The following LACTB variants were observed in gnomAD, a reference collection of about 807,000 sequenced individuals.
LACTB encodes the protein serine beta-lactamase-like protein LACTB, mitochondrial.
In LACTB, 35 loss-of-function variants were observed where a neutral mutation model predicts 50.2. That is an observed-to-expected ratio of 0.70 (90% CI 0.53 to 0.92). The LOEUF (loss-of-function observed/expected upper bound fraction) is 0.92. Among genes scored for constraint, LACTB ranks in the 40% least tolerant of loss-of-function variants. The probability of loss-of-function intolerance (pLI) is 0.00; values close to 1 mark genes in which losing one functional copy is unlikely to be tolerated. For missense variants in LACTB, 664 were observed against 691.8 expected (o/e 0.96, Z 0.45); for synonymous variants, 252 against 268.2 (o/e 0.94, Z 0.59).
At chr15:63,133,178 T>C (rs1321020107) in intron 5 of LACTB, among the ~76,000 whole-genome samples, 1 of 152,244 alleles carries the variant, frequency 6.6e-6, no homozygotes. Context: ...TGATTTTATA[T>C]AATTTCATAT....
At chr15:63,135,189 A>T (rs1379708970) in intron 5 of LACTB, among the ~76,000 whole-genome samples, 1 of 152,084 alleles carries the variant, frequency 6.6e-6, no homozygotes, top group African/African-American at 2.4e-5. Flanking sequence ...AAAATTTTTT[A>T]GCTTTGTGTT....
At chr15:63,133,511 T>A (rs2037151102) in intron 5 of LACTB, among the ~76,000 whole-genome samples, 1 of 152,108 alleles carries the variant, frequency 6.6e-6, no homozygotes, top group Non-Finnish European at 1.5e-5. Flanking sequence ...GCGGTCCTAG[T>A]TAATCAGGAG....
chr15:63,140,978 T>G, intron 5 of LACTB: 8 of 981,592 alleles, frequency 8.2e-6, no homozygotes, highest in Non-Finnish European at 9.7e-6. Context: ...TCATGTGTAA[T>G]ATTAACCAAT....
At chr15:63,131,646 A>G (rs919897589) in intron 5 of LACTB, among the ~76,000 whole-genome samples, 4 of 152,158 alleles carry the variant, frequency 2.6e-5, no homozygotes, top group African/African-American at 9.7e-5. Context: ...TTTTCTTTCA[A>G]AAAGAATACA....
At position 63,141,437 on chromosome 15, in the gene LACTB, T is replaced by G; in HGVS notation, c.1276T>G (p.Ser426Ala). The G allele has an allele frequency of 6.2e-7, 1 of 1,614,206 alleles. No homozygotes were observed. The highest frequency in any genetic ancestry group is 8.5e-7 in the Non-Finnish European group (1 of 1,180,032). ...YGYQVGLFKN[S>A]NENLLPGYLK... ...TTACCAAGTTGGGCTGTTTAAGAAC[T>G]CAAATGAAAATCTTTTACCTGGATA... Residue 426 changes from serine (S) to alanine (A), a missense_variant, in exon 6 of 6, where the codon TCA becomes GCA. By Grantham distance (99) the Ser-to-Ala change is moderately conservative. Transcript: ENST00000261893.
chr15:63,141,502 C>T lies in LACTB; in HGVS notation c.1341C>T (p.Val447=). 1 of 1,614,200 alleles carries T rather than the reference C, an allele frequency of 6.2e-7. No individual in the cohort carries two copies. The highest frequency in any genetic ancestry group is 8.5e-7 in the Non-Finnish European group (1 of 1,180,028). The change falls in exon 6 of 6, where the codon GTC becomes GTT. Residue 447 remains valine, a synonymous_variant. Transcript: ENST00000261893. ...CAATGGTTATGATGTGGACCCCAGT[C>T]CCTAACACAGAGATGTCTTGGGATA... ...PETMVMMWTP[V]PNTEMSWDKE... is the part of the protein sequence containing the mutation.
At chr15:63,122,760 T>C (rs1802500202) in intron 2 of LACTB, 58 bp downstream of exon 2, 2 of 1,228,800 alleles carry the variant, frequency 1.6e-6, no homozygotes, top group East Asian at 2.3e-5. Flanking sequence ...AATATTGTTT[T>C]ACTGGTTAGA....
Position 63,141,366 on chromosome 15 carries a change from C to T in LACTB, c.1205C>T (p.Ser402Phe). 6.2e-7 allele frequency: 1 copy of T among 1,614,170 alleles called. No homozygotes were observed. The highest frequency in any genetic ancestry group is 8.5e-7 in the Non-Finnish European group (1 of 1,180,030). ...AAATGGGCTGGTGGTGGATTTCTGTCTACAGTGGGTGACCTTCTGAAATTT... is the reference window on the plus strand; with the variant it reads ...AAATGGGCTGGTGGTGGATTTCTGTTTACAGTGGGTGACCTTCTGAAATTT... ...SYKWAGGGFL[S>F]TVGDLLKFGN... Residue 402 changes from serine to phenylalanine, a missense_variant, in exon 6 of 6, where the codon TCT becomes TTT. Coordinates refer to ENST00000261893, the MANE Select transcript of LACTB (RefSeq NM_032857.5).
At chr15:63,128,591 C>G (rs768075214) in intron 4 of LACTB, among the ~76,000 whole-genome samples, 1 of 152,114 alleles carries the variant, frequency 6.6e-6, no homozygotes, top group Non-Finnish European at 1.5e-5. Flanking sequence ...ACAGCAAGAG[C>G]AAGACCCTGT....
intron 2 of LACTB, among the ~76,000 whole-genome samples, chr15:63,125,175 A>ATTTTTTTTTTTTTTTTTTT (rs142978160): frequency 7.7e-6 from 1 of 130,426 alleles, no homozygotes. Context: ...AATTTTATTT[A>ATTTTTTTTTTTTTTTTTTT]TTTATTTTTT....
Position 63,129,522 on chromosome 15 carries a change from A to G in LACTB, c.990A>G (p.Leu330=), listed in dbSNP as rs1279373614. The change falls in exon 5 of 6, where the codon CTA becomes CTG. Residue 330 remains leucine (L), a synonymous_variant. Coordinates refer to ENST00000261893, the MANE Select transcript of LACTB (RefSeq NM_032857.5). ...TGTATTCAACTTTTGGCTATACCCTACTGGCAGCCATAGTAGAGAGAGCTT... is the reference window on the plus strand; with the variant it reads ...TGTATTCAACTTTTGGCTATACCCTGCTGGCAGCCATAGTAGAGAGAGCTT... ...QFLYSTFGYT[L]LAAIVERASG... is the part of the protein sequence containing the mutation. 1 of 1,610,374 alleles carries G rather than the reference A, an allele frequency of 6.2e-7. No individual in the cohort carries two copies. The highest frequency in any genetic ancestry group is 8.5e-7 in the Non-Finnish European group (1 of 1,178,328).
chr15:63,123,966 G>A (rs2037013100), intron 2 of LACTB, among the ~76,000 whole-genome samples: 1 of 152,188 alleles, frequency 6.6e-6, no homozygotes, highest in African/African-American at 2.4e-5. Flanking sequence ...AGAGGTGGAG[G>A]AGCAGAGTCT....
chr15:63,141,771 T>C lies in LACTB; in HGVS notation c.1610T>C (p.Ile537Thr). The change falls in exon 6 of 6, where the codon ATT (isoleucine) becomes ACT (threonine). Residue 537 changes from isoleucine (I) to threonine (T), a missense_variant. Ile to Thr is a moderately conservative substitution (Grantham distance 89). Coordinates refer to ENST00000261893, the MANE Select transcript of LACTB (RefSeq NM_032857.5). ...SVGLNSTALK[I>T]ALEFDKDRSD ...GGCCTCAATAGCACCGCTTTGAAGA[T>C]TGCCCTTGAATTTGATAAAGACAGA... 2 of 1,613,616 alleles carry C rather than the reference T, an allele frequency of 1.2e-6. No individual in the cohort carries two copies. The highest frequency in any genetic ancestry group is 1.7e-6 in the Non-Finnish European group (2 of 1,179,584).
intron 2 of LACTB, among the ~76,000 whole-genome samples, chr15:63,123,221 C>CA: frequency 6.6e-6 from 1 of 152,152 alleles, no homozygotes; most frequent in African/African-American, 2.4e-5. Flanking sequence ...ACTTTCGGAC[C>CA]ATGGATAACT....
At chr15:63,133,835 GAC>G (rs537939566) in intron 5 of LACTB, among the ~76,000 whole-genome samples, 4 of 152,178 alleles carry the variant, frequency 2.6e-5, no homozygotes, top group African/African-American at 7.2e-5. Context: ...AAAAATTTGA[GAC>G]ACAGTATTAG....
chr15:63,129,582 A>G lies in LACTB; in HGVS notation c.1050A>G (p.Ile350Met), dbSNP rs1199898241. ...GCKYLDYMQK[I>M]FHDLDMLTTV... ...AATATTTGGACTATATGCAGAAAAT[A>G]TTCCATGACTTGGATATGCTGACGA... The change falls in exon 5 of 6, where the codon ATA (isoleucine) becomes ATG (methionine). Residue 350 changes from isoleucine (I) to methionine (M), a missense_variant. Physicochemically the swap from Ile to Met is conservative, Grantham distance 10 (BLOSUM62 1). Transcript: ENST00000261893. 6.2e-7 allele frequency: 1 copy of G among 1,613,534 alleles called. No individual in the cohort carries two copies. The highest frequency in any genetic ancestry group is 1.3e-5 in the African/African-American group (1 of 75,030).
chr15:63,127,714 C>T (rs2141071167), intron 4 of LACTB, 25 bp downstream of exon 4: 3 of 1,381,890 alleles, frequency 2.2e-6, no homozygotes, highest in Non-Finnish European at 3.0e-6. Context: ...CTTCTCTTAA[C>T]AAAATCATCA....
intron 5 of LACTB, chr15:63,131,174 C>T (rs1206552431): frequency 6.6e-6 from 1 of 152,284 alleles, no homozygotes; most frequent in Non-Finnish European, 1.5e-5. Flanking sequence ...CACTTGTAAT[C>T]TCGGCTGCTC....
At position 63,141,650 on chromosome 15, in the gene LACTB, C is replaced by T; in HGVS notation, c.1489C>T (p.Leu497=). 1.2e-6 allele frequency: 2 copies of T among 1,614,200 alleles called. No homozygotes were observed. Among genetic ancestry groups the T allele is most frequent in the Non-Finnish European group, 1.7e-6 (2 of 1,180,040 alleles). ...GGAVGASSVL[L]VLPEELDTET... ...GGCAGTGGGTGCCAGTAGTGTCCTGCTGGTCCTTCCTGAAGAACTGGATAC... is the reference window on the plus strand; with the variant it reads ...GGCAGTGGGTGCCAGTAGTGTCCTGTTGGTCCTTCCTGAAGAACTGGATAC... Residue 497 remains leucine (L), a synonymous_variant, in exon 6 of 6, where the codon CTG becomes TTG. Transcript: ENST00000261893.
Sources: allele counts gnomAD v4.1 joint callset (sites outside exome capture counted in the v4.1 genomes callset), GRCh38; gene constraint gnomAD v4.1.1; transcripts MANE v1.5; gene names NCBI Gene and HGNC (gene_info 2026-07-23, HGNC 2026-07-21).